SLC24A2: variants seen among roughly 807,000 people sequenced by gnomAD.
The protein encoded by SLC24A2 is sodium/potassium/calcium exchanger 2.
Under a neutral mutation model 62.0 loss-of-function variants are expected in SLC24A2, and 36 were observed. The observed-to-expected ratio is 0.58, with a 90% CI of 0.44 to 0.77. The LOEUF (loss-of-function observed/expected upper bound fraction) is 0.77. Ranked by LOEUF, SLC24A2 falls within the 30% of genes least tolerant of loss-of-function variation. The pLI, the probability that SLC24A2 is intolerant of heterozygous loss-of-function variation, is 0.00. For synonymous variants in SLC24A2, 358 were observed against 294.0 expected (o/e 1.22, Z -2.23); for missense variants, 846 against 817.9 (o/e 1.03, Z -0.42).
chr9:20,299,597 T>G, the SLC24A2 span, among the ~76,000 whole-genome samples: 1 of 152,188 alleles, frequency 6.6e-6, no homozygotes, highest in African/African-American at 2.4e-5. Flanking sequence ...TATGAATCCA[T>G]TGGACTGCTG....
At chr9:19,649,216 A>G (rs527551933) in intron 2 of SLC24A2, among the ~76,000 whole-genome samples, 1 of 152,286 alleles carries the variant, frequency 6.6e-6, no homozygotes, top group East Asian at 1.9e-4. Flanking sequence ...TAATCAGGGT[A>G]CACAAAACTT....
chr9:19,519,618 A>G (rs1297793674), intron 10 of SLC24A2, among the ~76,000 whole-genome samples: 1 of 152,204 alleles, frequency 6.6e-6, no homozygotes, highest in Non-Finnish European at 1.5e-5. Context: ...TACCAGTGAT[A>G]GCAATGCAGT....
the SLC24A2 span, among the ~76,000 whole-genome samples, chr9:19,918,138 T>A: frequency 6.1e-5 from 4 of 65,054 alleles, no homozygotes; most frequent in African/African-American, 1.7e-4. Flanking sequence ...ACAACTGACA[T>A]TATGTGTGTG....
At chr9:19,962,225 C>G in the SLC24A2 span, among the ~76,000 whole-genome samples, 41 of 152,142 alleles carry the variant, frequency 2.7e-4, no homozygotes, top group African/African-American at 9.2e-4. Context: ...TGATCTATAT[C>G]TCTGTTTTTG....
At chr9:19,952,008 C>A in the SLC24A2 span, among the ~76,000 whole-genome samples, 1 of 152,006 alleles carries the variant, frequency 6.6e-6, no homozygotes, top group African/African-American at 2.4e-5. Flanking sequence ...TTTCCTTTGG[C>A]AATGTTTTGT....
chr9:19,535,103 T>C (rs181544348), intron 8 of SLC24A2, among the ~76,000 whole-genome samples: 19 of 152,392 alleles, frequency 1.2e-4, no homozygotes, highest in Non-Finnish European at 2.1e-4. Flanking sequence ...ATTTCTCTAA[T>C]GACCAGTGAT....
chr9:19,890,119 T>C, the SLC24A2 span, among the ~76,000 whole-genome samples: 1 of 152,308 alleles, frequency 6.6e-6, no homozygotes, highest in Admixed American at 6.5e-5. Context: ...TCTATCATAA[T>C]CGCCTTAAAA....
intron 5 of SLC24A2, among the ~76,000 whole-genome samples, chr9:19,578,093 G>C (rs1043954451): frequency 3.3e-5 from 5 of 151,390 alleles, no homozygotes; most frequent in African/African-American, 1.2e-4. Flanking sequence ...GGGGGGAAGA[G>C]TGGGAGGGGG....
At chr9:20,295,053 T>TATATATATATACAC in the SLC24A2 span, among the ~76,000 whole-genome samples, 1 of 144,374 alleles carries the variant, frequency 6.9e-6, no homozygotes, top group African/African-American at 2.6e-5. Flanking sequence ...TATATATATA[T>TATATATATATACAC]ACACACACAC....
At chr9:19,692,130 T>A (rs1354481638) in intron 2 of SLC24A2, among the ~76,000 whole-genome samples, 1 of 152,192 alleles carries the variant, frequency 6.6e-6, no homozygotes, top group Non-Finnish European at 1.5e-5. Context: ...AATGTCATAC[T>A]TATGTCATAG....
the SLC24A2 span, among the ~76,000 whole-genome samples, chr9:20,146,786 C>G: frequency 6.6e-6 from 1 of 152,066 alleles, no homozygotes; most frequent in Non-Finnish European, 1.5e-5. Flanking sequence ...AAGAGATACC[C>G]TTGATCTGAG....
the SLC24A2 span, among the ~76,000 whole-genome samples, chr9:19,932,829 C>T: frequency 6.6e-6 from 1 of 152,196 alleles, no homozygotes; most frequent in East Asian, 1.9e-4. Context: ...GAGCCATACA[C>T]CTTATGCCAC....
At chr9:20,237,895 T>C in the SLC24A2 span, among the ~76,000 whole-genome samples, 1 of 152,184 alleles carries the variant, frequency 6.6e-6, no homozygotes, top group Non-Finnish European at 1.5e-5. Flanking sequence ...ATTTTGAGTT[T>C]GCCAAGTTAG....
At chr9:19,670,435 G>C (rs1270153123) in intron 2 of SLC24A2, among the ~76,000 whole-genome samples, 1 of 152,132 alleles carries the variant, frequency 6.6e-6, no homozygotes, top group East Asian at 1.9e-4. Flanking sequence ...GAAGTGAAAA[G>C]AACTCATAAT....
Position 19,597,249 on chromosome 9 carries a change from T to C in SLC24A2, c.1109A>G (p.Tyr370Cys). 2 of 1,587,790 alleles carry C rather than the reference T, an allele frequency of 1.3e-6. No homozygotes were observed. The highest frequency in any genetic ancestry group is 3.3e-4 in the Middle Eastern group (2 of 5,988). Residue 370 changes from tyrosine (Y) to cysteine (C), a missense_variant, in exon 5 of 11, where the codon TAT (tyrosine) becomes TGT (cysteine). Coordinates refer to ENST00000341998, the MANE Select transcript of SLC24A2 (RefSeq NM_020344.4). ...ELGSYGKLKY[Y>C]DTMTEEGRFR... ...CTTACCTTCTTCAGTCATTGTGTCA[T>C]AATATTTTAGTTTTCCATATGATCC...
At chr9:19,542,403 C>A (rs566312353) in intron 8 of SLC24A2, among the ~76,000 whole-genome samples, 1 of 152,154 alleles carries the variant, frequency 6.6e-6, no homozygotes. Context: ...AATTTGACTT[C>A]CTCTTTTCCT....
chr9:20,093,577 T>G, the SLC24A2 span, among the ~76,000 whole-genome samples: 6 of 152,226 alleles, frequency 3.9e-5, no homozygotes, highest in Admixed American at 3.9e-4. Context: ...AAATTTCTAT[T>G]GCTCCATTAT....
intron 2 of SLC24A2, among the ~76,000 whole-genome samples, chr9:19,665,208 G>C (rs1363946289): frequency 6.6e-6 from 1 of 152,228 alleles, no homozygotes; most frequent in Non-Finnish European, 1.5e-5. Context: ...CCTGGATAAA[G>C]GGGAATGCAT....
intron 2 of SLC24A2, among the ~76,000 whole-genome samples, chr9:19,734,920 T>G (rs1398687348): frequency 6.6e-6 from 1 of 151,982 alleles, no homozygotes; most frequent in African/African-American, 2.4e-5. Flanking sequence ...GAAGAAAACC[T>G]AGGCAATACC....
Sources: gnomAD v4.1 joint callset for allele counts (sites outside exome capture counted in the v4.1 genomes callset) on GRCh38, gnomAD v4.1.1 for gene constraint, MANE v1.5 for transcripts, NCBI Gene and HGNC (gene_info 2026-07-23, HGNC 2026-07-21) for gene names.